Variants in FAM83B observed in about 807,000 individuals in gnomAD.
FAM83B encodes protein FAM83B.
A neutral mutation model predicts 38.8 loss-of-function variants in FAM83B; 26 were observed. The observed-to-expected ratio is 0.67, with a 90% CI of 0.49 to 0.93. The LOEUF (loss-of-function observed/expected upper bound fraction) is 0.93, where lower values mean the gene tolerates loss of function less well. FAM83B is among the 40% of genes least tolerant of loss of function. FAM83B has a pLI of 0.00. For synonymous variants in FAM83B, 419 were observed against 423.1 expected, an observed-to-expected ratio of 0.99 and a Z score of 0.12; for missense variants, 1,237 against 1,197.3, an observed-to-expected ratio of 1.03 and a Z score of -0.49.
intron 1 of FAM83B, among the ~76,000 whole-genome samples, chr6:54,854,657 T>C (rs1022807840): frequency 6.6e-6 from 1 of 152,236 alleles, no homozygotes; most frequent in Non-Finnish European, 1.5e-5. Flanking sequence ...ACATAACTTA[T>C]ATATGCACTG....
At chr6:54,865,974 ATAAT>A (rs1426630004) in intron 1 of FAM83B, among the ~76,000 whole-genome samples, 1 of 3,332 alleles carries the variant, frequency 3.0e-4, no homozygotes, top group East Asian at 0.12. Context: ...AGTCATAATA[ATAAT>A]AATAATAATA....
intron 1 of FAM83B, among the ~76,000 whole-genome samples, chr6:54,867,734 C>A (rs766010713): frequency 6.6e-6 from 1 of 151,806 alleles, no homozygotes; most frequent in Non-Finnish European, 1.5e-5. Context: ...TTTACAGTTC[C>A]AAAATATTTA....
intron 2 of FAM83B, among the ~76,000 whole-genome samples, chr6:54,908,929 G>T (rs1447816777): frequency 6.6e-6 from 1 of 152,114 alleles, no homozygotes; most frequent in East Asian, 1.9e-4. Flanking sequence ...AAGAAAACTA[G>T]TTCTAGTCAT....
intron 2 of FAM83B, among the ~76,000 whole-genome samples, chr6:54,876,452 G>A (rs1159452775): frequency 6.7e-6 from 1 of 150,118 alleles, no homozygotes; most frequent in East Asian, 2.0e-4. Context: ...AGCCTCCCTA[G>A]TATCTGGGAT....
intron 4 of FAM83B, among the ~76,000 whole-genome samples, chr6:54,933,799 C>CTGA (rs1203652239): frequency 1.3e-5 from 2 of 152,144 alleles, no homozygotes; most frequent in East Asian, 3.9e-4. Context: ...ATCCTACCAG[C>CTGA]ACTCAGGTAA....
At chr6:54,933,606 C>T (rs908370154) in intron 4 of FAM83B, among the ~76,000 whole-genome samples, 2 of 152,050 alleles carry the variant, frequency 1.3e-5, no homozygotes, top group African/African-American at 4.8e-5. Flanking sequence ...TAATCAGTCA[C>T]CTCTCCCAGT....
chr6:54,863,354 A>G (rs570348793), intron 1 of FAM83B, among the ~76,000 whole-genome samples: 1 of 152,188 alleles, frequency 6.6e-6, no homozygotes, highest in Non-Finnish European at 1.5e-5. Context: ...TTTATGGCAC[A>G]TGTACACTTG....
chr6:54,909,673 T>G (rs1047901166), intron 2 of FAM83B, among the ~76,000 whole-genome samples: 1 of 152,122 alleles, frequency 6.6e-6, no homozygotes, highest in African/African-American at 2.4e-5. Flanking sequence ...ACACCTACCC[T>G]CAAGTAACTT....
intron 1 of FAM83B, among the ~76,000 whole-genome samples, chr6:54,864,733 A>G (rs986612813): frequency 5.3e-5 from 8 of 152,212 alleles, no homozygotes; most frequent in African/African-American, 1.7e-4. Context: ...AGCTGAAGAA[A>G]GAAAAGATAT....
rs1036802256 is a variant in FAM83B at position 54,881,582 on chromosome 6, A to C, written c.444+10892A>C. Among the ~76,000 whole-genome samples the C allele has an allele frequency of 2.0e-5, 3 of 152,236 alleles. No homozygotes were observed. The East Asian group carries it at 5.8e-4, about 29-fold the overall frequency. On this transcript the variant is annotated intron_variant, in intron 2 of 4. Transcript: ENST00000306858. ...ATCATAAAAAAAACTGAGTCATAGTAGTCATATTTCAACCTGCTGAATTCT... is the reference window on the plus strand; with the variant it reads ...ATCATAAAAAAAACTGAGTCATAGTCGTCATATTTCAACCTGCTGAATTCT...
chr6:54,887,133 G>A (rs1398107456), intron 2 of FAM83B, among the ~76,000 whole-genome samples: 1 of 151,738 alleles, frequency 6.6e-6, no homozygotes, highest in Non-Finnish European at 1.5e-5. Context: ...TTTGGTAAAT[G>A]TTTAATGAGA....
upstream of FAM83B, among the ~76,000 whole-genome samples, chr6:54,846,523 G>A (rs62412646): frequency 0.031 from 4,695 of 152,344 alleles, 85 homozygotes; most frequent in Middle Eastern, 0.065. Flanking sequence ...TTCATACTCC[G>A]CTGGGAGAGA....
chr6:54,922,192 TCC>T (rs1773187509), intron 2 of FAM83B, among the ~76,000 whole-genome samples: 1 of 152,018 alleles, frequency 6.6e-6, no homozygotes, highest in Non-Finnish European at 1.5e-5. Context: ...CCTTTATGTA[TCC>T]TAGTAATGTG....
chr6:54,871,714 G>C (rs890422662), intron 2 of FAM83B, among the ~76,000 whole-genome samples: 1 of 119,208 alleles, frequency 8.4e-6, no homozygotes, highest in Non-Finnish European at 1.6e-5. Context: ...CTGCCCTCTA[G>C]CCTGGGTGAC....
At chr6:54,866,384 T>A (rs1352341505) in intron 1 of FAM83B, among the ~76,000 whole-genome samples, 2 of 152,104 alleles carry the variant, frequency 1.3e-5, no homozygotes, top group Non-Finnish European at 2.9e-5. Context: ...TAATACTGTA[T>A]CGTAACCAAT....
chr6:54,894,855 A>G (rs986747080), intron 2 of FAM83B, among the ~76,000 whole-genome samples: 2 of 152,228 alleles, frequency 1.3e-5, no homozygotes, highest in Non-Finnish European at 2.9e-5. Context: ...GGTTGAGAGC[A>G]TGAACTCGGG....
intron 2 of FAM83B, among the ~76,000 whole-genome samples, chr6:54,884,080 G>A (rs951570724): frequency 6.6e-6 from 1 of 152,016 alleles, no homozygotes; most frequent in Non-Finnish European, 1.5e-5. Context: ...AAGGTGGGCG[G>A]ATCACGAGGT....
chr6:54,901,886 A>G (rs929288842), intron 2 of FAM83B, among the ~76,000 whole-genome samples: 1 of 151,838 alleles, frequency 6.6e-6, no homozygotes, highest in African/African-American at 2.4e-5. Context: ...TGTAAGCCCT[A>G]TTTTTCCTCC....
rs1773724209 is a variant in FAM83B at position 54,942,357 on chromosome 6, G to A, written c.*350G>A. ...ATTTTAACCATTTCCTTTTAAAAAG[G>A]TCATACTACCCTCAGTAACCCTTTA... On this transcript the variant is annotated 3_prime_UTR_variant, in exon 5 of 5. Transcript: ENST00000306858. Among the ~76,000 whole-genome samples, 1 of 152,048 alleles carries A rather than the reference G, an allele frequency of 6.6e-6. No homozygotes were observed. Among genetic ancestry groups the A allele is most frequent in the Non-Finnish European group, 1.5e-5 (1 of 68,028 alleles).
Sources: gnomAD v4.1 joint callset for allele counts (sites outside exome capture counted in the v4.1 genomes callset) on GRCh38, gnomAD v4.1.1 for gene constraint, MANE v1.5 for transcripts, NCBI Gene and HGNC (gene_info 2026-07-23, HGNC 2026-07-21) for gene names.